The following ASB9 variants were observed in gnomAD, a reference collection of about 807,000 sequenced individuals.
The protein encoded by ASB9 is ankyrin repeat and SOCS box containing 9, also known as ankyrin repeat and SOCS box protein 9.
A neutral mutation model predicts 16.6 loss-of-function variants in ASB9; 5 were observed. The ratio of observed to expected loss-of-function variants is 0.30; its 90% CI spans 0.16 to 0.63. ASB9 has a LOEUF of 0.63. ASB9 is among the 30% of genes least tolerant of loss of function. The probability of loss-of-function intolerance (pLI) is 0.82; values close to 1 mark genes in which losing one functional copy is unlikely to be tolerated. For synonymous variants in ASB9, 100 were observed against 86.4 expected (o/e 1.16, Z -0.87); for missense variants, 216 against 229.4 (o/e 0.94, Z 0.38).
intron 1 of ASB9, 55 bp from the exon 2 acceptor site, chrX:15,259,000 G>A (rs1366734486): frequency 3.8e-5 from 36 of 958,021 alleles, no homozygotes; most frequent in Non-Finnish European, 4.3e-5. Flanking sequence ...AGACCCAGAG[G>A]CTTATCCTTG....
At chrX:15,246,088 CAT>C (rs1924643302) in intron 6 of ASB9, among the ~76,000 whole-genome samples, 1 of 111,850 alleles carries the variant, frequency 8.9e-6, no homozygotes, top group African/African-American at 3.3e-5. Context: ...AATGTTGAAA[CAT>C]GTGACTGATC....
chrX:15,254,223 A>C (rs113567712), intron 3 of ASB9, among the ~76,000 whole-genome samples: 1 of 112,276 alleles, frequency 8.9e-6, no homozygotes, highest in Non-Finnish European at 1.9e-5. Flanking sequence ...ATTGCTCACT[A>C]TCATTTCTGG....
At chrX:15,269,304 T>C (rs1330628499) in intron 1 of ASB9, among the ~76,000 whole-genome samples, 2 of 112,039 alleles carry the variant, frequency 1.8e-5, no homozygotes, top group East Asian at 2.8e-4. Context: ...ACCTGTAAGA[T>C]GATTCTCCAA....
chrX:15,267,527 G>T (rs181068384), intron 1 of ASB9, among the ~76,000 whole-genome samples: 1 of 48,609 alleles, frequency 2.1e-5, no homozygotes, highest in African/African-American at 1.4e-4. Context: ...GGCGGATCAC[G>T]AGGTCAGGAG....
intron 3 of ASB9, among the ~76,000 whole-genome samples, chrX:15,253,319 C>A (rs957627851): frequency 9.0e-6 from 1 of 111,409 alleles, no homozygotes; most frequent in African/African-American, 3.3e-5. Flanking sequence ...CCGCCGGGCA[C>A]GGTGGCTCAC....
At chrX:15,268,979 C>T (rs1315220298) in intron 1 of ASB9, among the ~76,000 whole-genome samples, 2 of 110,817 alleles carry the variant, frequency 1.8e-5, no homozygotes, top group African/African-American at 6.6e-5. Context: ...CCTTCACCCT[C>T]ACCCTGCTGC....
chrX:15,261,048 G>A (rs754079550), intron 1 of ASB9, among the ~76,000 whole-genome samples: 9 of 111,688 alleles, frequency 8.1e-5, no homozygotes, highest in African/African-American at 2.3e-4. Context: ...TTTTCGTACC[G>A]TCAAAACCTC....
intron 2 of ASB9, among the ~76,000 whole-genome samples, chrX:15,257,130 C>T (rs1187411518): frequency 2.7e-5 from 3 of 111,838 alleles, no homozygotes; most frequent in African/African-American, 9.8e-5. Context: ...GGCATTTAGA[C>T]CAGGCACGGT....
At chrX:15,245,112 G>C (rs1482473671) in intron 6 of ASB9, among the ~76,000 whole-genome samples, 1 of 111,850 alleles carries the variant, frequency 8.9e-6, no homozygotes, top group East Asian at 2.8e-4. Flanking sequence ...TTTACATCCT[G>C]TATTCAGAGC....
At chrX:15,254,586 C>G (rs991720707) in intron 3 of ASB9, 151 bp downstream of exon 3, 51 of 486,295 alleles carry the variant, frequency 1.0e-4, no homozygotes, top group Non-Finnish European at 1.7e-4. Context: ...ATCACTAAAG[C>G]AAACAAGCCT....
intron 3 of ASB9, among the ~76,000 whole-genome samples, 191 bp downstream of exon 3, chrX:15,254,546 G>A (rs778467757): frequency 1.8e-5 from 2 of 112,285 alleles, no homozygotes; most frequent in Non-Finnish European, 3.8e-5. Context: ...GACTGTAAGC[G>A]TGACTAAAAA....
chrX:15,254,868 G>A (rs368902914), intron 2 of ASB9, 24 bp from the exon 3 acceptor site: 11 of 1,154,665 alleles, frequency 9.5e-6, no homozygotes, highest in Non-Finnish European at 1.3e-5. Flanking sequence ...AACAGTCAGA[G>A]TAAGGGGTGC....
At chrX:15,255,582 T>C (rs977216899) in intron 2 of ASB9, among the ~76,000 whole-genome samples, 21 of 111,676 alleles carry the variant, frequency 1.9e-4, no homozygotes, top group African/African-American at 6.8e-4. Flanking sequence ...GGCAGTCACA[T>C]GGCAATATTC....
chrX:15,244,399 G>A lies in ASB9; in HGVS notation c.*107C>T, dbSNP rs770377450. On this transcript the variant is annotated 3_prime_UTR_variant, in exon 7 of 7. Coordinates refer to ENST00000380488, the MANE Select transcript of ASB9 (RefSeq NM_001031739.3). ...GTTTATAACAAATACAAATCTAATC[G>A]AAAAAACTAGTCAAACTCTATAAAT... 563 of 938,704 alleles carry A rather than the reference G, an allele frequency of 6.0e-4. 1 individual carries two copies. Among genetic ancestry groups the A allele is most frequent in the Non-Finnish European group, 7.8e-4 (530 of 681,842 alleles). 77.4% of individuals were successfully genotyped at this position (938,704 alleles called of 1,213,427 possible). A position where few individuals can be genotyped will look rare whatever the true frequency, so the allele number is the denominator to read the frequency against.
At chrX:15,260,453 A>C (rs1195215483) in intron 1 of ASB9, among the ~76,000 whole-genome samples, 2 of 112,329 alleles carry the variant, frequency 1.8e-5, no homozygotes, top group Non-Finnish European at 3.8e-5. Context: ...AGGAAAACAA[A>C]TTCTTAGGAA....
intron 6 of ASB9, among the ~76,000 whole-genome samples, chrX:15,247,097 A>C (rs6632107): frequency 0.11 from 12,487 of 111,085 alleles, 601 homozygotes; most frequent in Middle Eastern, 0.21. Context: ...AAACAGGTGG[A>C]CTGAAGCAAA....
chrX:15,252,348 G>A lies in ASB9; in HGVS notation c.339C>T (p.Gly113=), dbSNP rs1371111572. The change falls in exon 4 of 7, where the codon GGC becomes GGT. Residue 113 remains glycine, a synonymous_variant. Transcript: ENST00000380488. ...GAAGCAAATTCACACAATCCCAGCT[G>A]CCGCTGACACAAGCATTAAACAGTG... ...HTPLFNACVS[G]SWDCVNLLLQ... 1 of 1,211,209 alleles carries A rather than the reference G, an allele frequency of 8.3e-7. No homozygotes were observed. The highest frequency in any genetic ancestry group is 1.7e-5 in the African/African-American group (1 of 57,788).
rs1416558948 is a variant in ASB9, at chrX:15,269,853, T to C, written c.22A>G (p.Met8Val). 5.8e-6 allele frequency: 7 copies of C among 1,204,786 alleles called. No individual in the cohort carries two copies. The highest frequency in any genetic ancestry group is 3.5e-5 in the African/African-American group (2 of 57,055). Reference protein sequence around the residue: MDGKQGGMDGSKPAGPRD... With the variant: MDGKQGGVDGSKPAGPRD... ...GGCCCCGCGGGCTTGCTCCCATCCATGCCCCCTTGTTTGCCATCCATGATG... is the reference window on the plus strand; with the variant it reads ...GGCCCCGCGGGCTTGCTCCCATCCACGCCCCCTTGTTTGCCATCCATGATG... The change falls in exon 1 of 7, where the codon ATG becomes GTG. Residue 8 changes from methionine to valine, a missense_variant. Met to Val is a conservative substitution (Grantham distance 21). Transcript: ENST00000380488.
At chrX:15,263,885 C>G (rs1334961012) in intron 1 of ASB9, among the ~76,000 whole-genome samples, 1 of 111,829 alleles carries the variant, frequency 8.9e-6, no homozygotes, top group Non-Finnish European at 1.9e-5. Flanking sequence ...GACACTAACA[C>G]TGGGAACAGT....
Sources: gnomAD v4.1 joint callset for allele counts (sites outside exome capture counted in the v4.1 genomes callset) on GRCh38, gnomAD v4.1.1 for gene constraint, MANE v1.5 for transcripts, NCBI Gene and HGNC (gene_info 2026-07-23, HGNC 2026-07-21) for gene names.